MACROD2: variants seen among roughly 807,000 people sequenced by gnomAD.
The protein encoded by MACROD2 is ADP-ribose glycohydrolase MACROD2.
MACROD2 carries 36 observed loss-of-function variants against 70.4 expected under a neutral mutation model. The observed-to-expected ratio is 0.51, with a 90% confidence interval of 0.39 to 0.68. The LOEUF is 0.68. Among genes scored for constraint, MACROD2 ranks in the 30% least tolerant of loss-of-function variants. The pLI, the probability that MACROD2 is intolerant of heterozygous loss-of-function variation, is 0.00. For missense variants in MACROD2, 496 were observed against 538.4 expected, an observed-to-expected ratio of 0.92 and a Z score of 0.78; for synonymous variants, 172 against 178.8, an observed-to-expected ratio of 0.96 and a Z score of 0.30.
In MACROD2 at chr20:14,272,791, T is replaced by G. The variant is rs539070581; in HGVS notation, c.271+187063T>G. Among the ~76,000 whole-genome samples, 51 of 152,128 alleles carry G rather than the reference T, an allele frequency of 3.4e-4. 1 individual carries two copies. Among genetic ancestry groups the G allele is most frequent in the South Asian group, 1.7e-3 (8 of 4,812 alleles). ...CACACATAAGCTCAAAATAAAAGGA[T>G]GGAGGAAGATCTACCAAGCAAATGT... On this transcript the variant is annotated intron_variant, in intron 3 of 17. Coordinates refer to ENST00000684519, the MANE Select transcript of MACROD2 (RefSeq NM_001351661.2).
intron 12 of MACROD2, among the ~76,000 whole-genome samples, chr20:15,946,909 A>G (rs546016784): frequency 1.9e-3 from 286 of 152,244 alleles, no homozygotes; most frequent in African/African-American, 6.2e-3. Context: ...TAGTGGGGAG[A>G]AGGTCAGCAA....
At chr20:15,989,888 G>A (rs16996894) in intron 15 of MACROD2, among the ~76,000 whole-genome samples, 16,129 of 150,604 alleles carry the variant, frequency 0.11, 976 homozygotes, top group South Asian at 0.17. Context: ...CTTTTTTGTA[G>A]CATTTTATAA....
chr20:15,031,128 C>G (rs764574028), intron 5 of MACROD2, among the ~76,000 whole-genome samples: 1 of 152,232 alleles, frequency 6.6e-6, no homozygotes, highest in Non-Finnish European at 1.5e-5. Flanking sequence ...GGCGCCAGCT[C>G]TATGCAAGGC....
At position 15,218,364 on chromosome 20, in the gene MACROD2, G is replaced by A. The variant is rs57706517; in HGVS notation, c.419-11576G>A. ...CAGTTCAACTCTAAGATTCTTGAAC[G>A]GTCTGCCTCTCTTTTTCACGCCTTG... On this transcript the variant is annotated intron_variant, in intron 5 of 17. Coordinates refer to ENST00000684519, the MANE Select transcript of MACROD2 (RefSeq NM_001351661.2). 2.0e-4 allele frequency among the ~76,000 whole-genome samples: 30 copies of A among 152,220 alleles called. No homozygotes were observed. In the East Asian group the frequency reaches 5.6e-3, roughly 28 times the overall value.
chr20:14,436,977 G>A (rs893213526), intron 3 of MACROD2, among the ~76,000 whole-genome samples: 1 of 152,036 alleles, frequency 6.6e-6, no homozygotes, highest in Non-Finnish European at 1.5e-5. Flanking sequence ...ACAATGAAGT[G>A]GATTTTCACT....
chr20:15,137,715 T>G (rs2076160818), intron 5 of MACROD2, among the ~76,000 whole-genome samples: 1 of 150,596 alleles, frequency 6.6e-6, no homozygotes, highest in Admixed American at 6.6e-5. Flanking sequence ...ATAATAATAA[T>G]AAAAAAAAAT....
rs572956774 is a variant in MACROD2 at position 15,815,404 on chromosome 20, A to G, written c.646-47341A>G. On this transcript the variant is annotated intron_variant, in intron 8 of 17. Coordinates refer to ENST00000684519, the MANE Select transcript of MACROD2 (RefSeq NM_001351661.2). ...TTTAACAGAGTTTTTAAATGGCAAA[A>G]CAATAGTTCTTTTTTTTTTTAATGT... 1.7e-4 allele frequency among the ~76,000 whole-genome samples: 25 copies of G among 146,486 alleles called. No individual in the cohort carries two copies. In the South Asian group the frequency reaches 1.7e-3, roughly 10 times the overall value.
intron 8 of MACROD2, among the ~76,000 whole-genome samples, chr20:15,572,805 T>G (rs2048392903): frequency 6.6e-6 from 1 of 152,116 alleles, no homozygotes; most frequent in Admixed American, 6.6e-5. Context: ...GTCAGCATAT[T>G]ATCAAAGTGA....
At chr20:14,344,449 T>C (rs2083044773) in intron 3 of MACROD2, among the ~76,000 whole-genome samples, 1 of 152,218 alleles carries the variant, frequency 6.6e-6, no homozygotes, top group African/African-American at 2.4e-5. Context: ...GATAAATATG[T>C]TATATATTAA....
chr20:15,209,729 C>T (rs1331806840), intron 5 of MACROD2, among the ~76,000 whole-genome samples: 1 of 152,172 alleles, frequency 6.6e-6, no homozygotes, highest in East Asian at 1.9e-4. Context: ...ACAGTACATG[C>T]ATATGTATAA....
At chr20:14,368,474 C>T (rs996060349) in intron 3 of MACROD2, among the ~76,000 whole-genome samples, 2 of 151,030 alleles carry the variant, frequency 1.3e-5, no homozygotes, top group African/African-American at 2.4e-5. Context: ...ACCCGGAAGG[C>T]AGAGCTTGCA....
chr20:15,066,814 G>A (rs929355071), intron 5 of MACROD2, among the ~76,000 whole-genome samples: 6 of 151,822 alleles, frequency 4.0e-5, no homozygotes, highest in African/African-American at 1.5e-4. Context: ...CCCGCAAGGC[G>A]GAGGTTGCAG....
intron 5 of MACROD2, among the ~76,000 whole-genome samples, chr20:14,915,052 T>C (rs2122611627): frequency 6.6e-6 from 1 of 152,328 alleles, no homozygotes; most frequent in African/African-American, 2.4e-5. Flanking sequence ...ATTAAAAATA[T>C]TGTGTTTTTA....
At chr20:15,426,108 T>G (rs900904496) in intron 6 of MACROD2, among the ~76,000 whole-genome samples, 7 of 152,046 alleles carry the variant, frequency 4.6e-5, no homozygotes, top group Admixed American at 2.0e-4. Context: ...ACCAGAGACC[T>G]TTGTTCACTT....
rs1474342658 is a variant in MACROD2 at position 14,326,670 on chromosome 20, G to T, written c.272-166809G>T. 6.2e-7 allele frequency: 1 copy of T among 1,613,674 alleles called. No individual in the cohort carries two copies. Among genetic ancestry groups the T allele is most frequent in the South Asian group, 1.1e-5 (1 of 91,068 alleles). ...GAGGTAAATTACTTAGGTTATTATT[G>T]GACATATCCAGTCGATAGAGCTGCC... On this transcript the variant is annotated intron_variant, in intron 3 of 17. Transcript: ENST00000684519. The surrounding 1 kb of genome is among the most constrained non-coding windows in gnomAD (Gnocchi z 5.5).
intron 6 of MACROD2, among the ~76,000 whole-genome samples, chr20:15,403,285 C>G (rs1330850372): frequency 6.6e-6 from 1 of 152,080 alleles, no homozygotes; most frequent in Non-Finnish European, 1.5e-5. Context: ...GTTTTTAATA[C>G]TCGTACATAA....
intron 5 of MACROD2, among the ~76,000 whole-genome samples, chr20:15,148,119 G>A (rs1026735766): frequency 6.6e-6 from 1 of 151,750 alleles, no homozygotes; most frequent in Non-Finnish European, 1.5e-5. Flanking sequence ...AAAATTTTTG[G>A]GGGGTGGTAT....
chr20:14,880,889 T>A (rs1050200328), intron 5 of MACROD2, among the ~76,000 whole-genome samples: 1 of 152,132 alleles, frequency 6.6e-6, no homozygotes, highest in African/African-American at 2.4e-5. Flanking sequence ...CTCTTGTTGC[T>A]GGGAGCTACT....
chr20:14,713,778 A>T (rs946665246), intron 5 of MACROD2, among the ~76,000 whole-genome samples: 9 of 152,234 alleles, frequency 5.9e-5, no homozygotes, highest in African/African-American at 2.2e-4. Context: ...ACTATTATCA[A>T]TTGACAATTT....
Sources: allele counts gnomAD v4.1 joint callset (sites outside exome capture counted in the v4.1 genomes callset), GRCh38; gene constraint gnomAD v4.1.1; non-coding constraint Gnocchi (gnomAD v3.1); transcripts MANE v1.5; gene names NCBI Gene and HGNC (gene_info 2026-07-23, HGNC 2026-07-21).